The following TNIK variants were observed in gnomAD, a reference collection of about 807,000 sequenced individuals.
TNIK encodes TRAF2 and NCK interacting kinase.
A neutral mutation model predicts 191.3 loss-of-function variants in TNIK; 49 were observed. That is an observed-to-expected ratio of 0.26 (90% CI 0.20 to 0.32). TNIK has a LOEUF of 0.32. Ranked by LOEUF, TNIK falls within the 10% of genes least tolerant of loss-of-function variation. The pLI, the probability that TNIK is intolerant of heterozygous loss-of-function variation, is 1.00. For synonymous variants in TNIK, 594 were observed against 600.9 expected (o/e 0.99, Z 0.17); for missense variants, 1,155 against 1,702.3 (o/e 0.68, Z 5.66).
intron 1 of TNIK, among the ~76,000 whole-genome samples, chr3:171,428,289 A>G (rs547312297): frequency 2.6e-5 from 4 of 152,302 alleles, no homozygotes; most frequent in African/African-American, 9.6e-5. Context: ...AAGAAGATAA[A>G]ATACCAAAAA....
At position 171,122,696 on chromosome 3, in the gene TNIK, T is replaced by C. The variant is rs925486996; in HGVS notation, c.2120+900A>G. ...TTCATTTCCAGTCATTCTCTCTTAC[T>C]AGCAAAGGAGGGTCCTTTTATTATG... On this transcript the variant is annotated intron_variant, in intron 18 of 32. Coordinates refer to ENST00000436636, the MANE Select transcript of TNIK (RefSeq NM_015028.4). Among the ~76,000 whole-genome samples, 4 of 152,330 alleles carry C rather than the reference T, an allele frequency of 2.6e-5. No individual in the cohort carries two copies. The East Asian group carries it at 5.8e-4, about 22-fold the overall frequency.
chr3:171,105,460 G>A (rs77527530), intron 21 of TNIK, among the ~76,000 whole-genome samples: 1,623 of 152,248 alleles, frequency 0.011, 27 homozygotes, highest in African/African-American at 0.037. Flanking sequence ...GGAATCAGCC[G>A]TGGTTGAGAG....
At chr3:171,406,731 C>T (rs1188427383) in intron 1 of TNIK, among the ~76,000 whole-genome samples, 1 of 152,210 alleles carries the variant, frequency 6.6e-6, no homozygotes. Context: ...CCTCACCCAC[C>T]CAGCAAACAC....
chr3:171,363,919 C>T (rs1304912062), intron 2 of TNIK, among the ~76,000 whole-genome samples: 1 of 152,124 alleles, frequency 6.6e-6, no homozygotes, highest in Non-Finnish European at 1.5e-5. Context: ...GGTATCACAT[C>T]TCAGGGCAAG....
chr3:171,143,299 T>C lies in TNIK; in HGVS notation c.1222-2790A>G, dbSNP rs188822262. On this transcript the variant is annotated intron_variant, in intron 12 of 32. Coordinates refer to ENST00000436636, the MANE Select transcript of TNIK (RefSeq NM_015028.4). ...TATTTGCTTTCTCTCCTCCTGTGCA[T>C]GGAGCCGTATGAGGGAGGGGATATA... 2.0e-5 allele frequency among the ~76,000 whole-genome samples: 3 copies of C among 152,280 alleles called. No individual in the cohort carries two copies. The East Asian group carries it at 5.8e-4, about 29-fold the overall frequency.
intron 2 of TNIK, among the ~76,000 whole-genome samples, chr3:171,325,986 G>A (rs1006641818): frequency 6.6e-6 from 1 of 152,176 alleles, no homozygotes; most frequent in African/African-American, 2.4e-5. Context: ...CATAACAACT[G>A]AGGTCCATAA....
intron 1 of TNIK, among the ~76,000 whole-genome samples, chr3:171,418,827 T>C (rs1488984251): frequency 6.6e-6 from 1 of 152,080 alleles, no homozygotes; most frequent in Non-Finnish European, 1.5e-5. Flanking sequence ...TCTGCTAGAG[T>C]TACCATAACA....
Position 171,113,376 on chromosome 3 carries a change from C to T in TNIK, c.2121-2499G>A, listed in dbSNP as rs550036506. Among the ~76,000 whole-genome samples, 10 of 152,236 alleles carry T rather than the reference C, an allele frequency of 6.6e-5. No homozygotes were observed. In the Middle Eastern group the frequency reaches 0.01, roughly 155 times the overall value. ...ATCCCATCACTTTGGGAGGCCAAGG[C>T]AGGCAGATCACGAGGTCAGGAGATC... On this transcript the variant is annotated intron_variant, in intron 18 of 32. Coordinates refer to ENST00000436636, the MANE Select transcript of TNIK (RefSeq NM_015028.4).
At chr3:171,080,645 G>A (rs1720554865) in intron 27 of TNIK, among the ~76,000 whole-genome samples, 1 of 152,068 alleles carries the variant, frequency 6.6e-6, no homozygotes, top group South Asian at 2.1e-4. Context: ...CACCATGTTG[G>A]CCAGGCTGGT....
chr3:171,263,608 T>C (rs1747959308), intron 2 of TNIK, among the ~76,000 whole-genome samples: 1 of 152,116 alleles, frequency 6.6e-6, no homozygotes, highest in Admixed American at 6.5e-5. Flanking sequence ...TAAAACATAC[T>C]TTTCCTTTAG....
Position 171,397,491 on chromosome 3 carries a change from C to T in TNIK, c.58-27806G>A, listed in dbSNP as rs13090490. Among the ~76,000 whole-genome samples the T allele has an allele frequency of 3.3e-3, 497 of 152,294 alleles. 1 individual carries two copies. The highest frequency in any genetic ancestry group is 5.7e-3 in the Non-Finnish European group (386 of 68,024). On this transcript the variant is annotated intron_variant, in intron 1 of 32. Transcript: ENST00000436636. The stretch of plus-strand genomic sequence containing the variant: ...CCTAGGAAGCAGAAATTCTCAGTAT[C>T]CTATCGTGACTGGAATGAAAACATG...
intron 18 of TNIK, among the ~76,000 whole-genome samples, chr3:171,119,324 C>T (rs959892605): frequency 1.3e-5 from 2 of 152,176 alleles, no homozygotes; most frequent in South Asian, 2.1e-4. Flanking sequence ...GAAATAGGAA[C>T]ACTTTTACAC....
chr3:171,263,464 A>AG (rs1386982034), intron 2 of TNIK, among the ~76,000 whole-genome samples: 4 of 152,350 alleles, frequency 2.6e-5, no homozygotes, highest in African/African-American at 4.8e-5. Context: ...CAATTTTGAG[A>AG]GAAAAAAAGG....
chr3:171,138,461 A>G, intron 14 of TNIK, 82 bp from the exon 15 acceptor site: 2 of 1,294,136 alleles, frequency 1.5e-6, no homozygotes, highest in Non-Finnish European at 2.0e-6. Flanking sequence ...TAAGCATGCA[A>G]TGGAGGCAAA....
rs1429407224 is a variant in TNIK, at chr3:171,061,207, A to G, written c.*2674T>C. ...CTTGCTGGAGGAAAATTTATTTTTG[A>G]AGATAAAAGCTTCAGTGAATTCTTT... On this transcript the variant is annotated 3_prime_UTR_variant, in exon 33 of 33. Coordinates refer to ENST00000436636, the MANE Select transcript of TNIK (RefSeq NM_015028.4). 1 of 152,186 alleles carries G rather than the reference A, an allele frequency of 6.6e-6. No homozygotes were observed. The highest frequency in any genetic ancestry group is 2.4e-5 in the African/African-American group (1 of 41,444). 9.4% of individuals were successfully genotyped at this position (152,186 alleles called of 1,614,324 possible).
chr3:171,256,556 C>G (rs1746902734), intron 2 of TNIK, among the ~76,000 whole-genome samples: 1 of 152,164 alleles, frequency 6.6e-6, no homozygotes, highest in Admixed American at 6.5e-5. Context: ...TCATGGGGAG[C>G]TACTTCATAA....
chr3:171,366,099 T>C lies in TNIK; in HGVS notation c.123+3521A>G, dbSNP rs1194719905. 6.6e-6 allele frequency among the ~76,000 whole-genome samples: 1 copy of C among 152,220 alleles called. No individual in the cohort carries two copies. Among genetic ancestry groups the C allele is most frequent in the Non-Finnish European group, 1.5e-5 (1 of 68,038 alleles). Reference sequence around the variant, plus strand: ...TGTCCAGATTCCATTAGGTTCCCAATAGATGGCATGCCAATAAACAGCCAA... The same window carrying C: ...TGTCCAGATTCCATTAGGTTCCCAACAGATGGCATGCCAATAAACAGCCAA... On this transcript the variant is annotated intron_variant, in intron 2 of 32. Transcript: ENST00000436636. The surrounding 1 kb of genome is among the most constrained non-coding windows in gnomAD (Gnocchi z 4.1).
chr3:171,442,980 T>C lies in TNIK; in HGVS notation c.57+17027A>G, dbSNP rs1311814386. Among the ~76,000 whole-genome samples the C allele has an allele frequency of 4.6e-5, 7 of 152,220 alleles. No individual in the cohort carries two copies. In the South Asian group the frequency reaches 6.2e-4, roughly 13 times the overall value. On this transcript the variant is annotated intron_variant, in intron 1 of 32. Transcript: ENST00000436636. ...CTTTAAAATACTCCCAGAGAGAATA[T>C]ACATATTGTTCAGACAACAGAGTGT... is the stretch of plus-strand genomic sequence containing the variant.
At chr3:171,426,795 C>G (rs1724696059) in intron 1 of TNIK, among the ~76,000 whole-genome samples, 1 of 152,014 alleles carries the variant, frequency 6.6e-6, no homozygotes, top group African/African-American at 2.4e-5. Flanking sequence ...TGAAGTCCAG[C>G]CTTAGGCAAA....
Sources: gnomAD v4.1 joint callset for allele counts (sites outside exome capture counted in the v4.1 genomes callset) on GRCh38, gnomAD v4.1.1 for gene constraint, Gnocchi (gnomAD v3.1) non-coding constraint, MANE v1.5 for transcripts, NCBI Gene and HGNC (gene_info 2026-07-23, HGNC 2026-07-21) for gene names.